The following AKT3 variants were observed in gnomAD, a reference collection of about 807,000 sequenced individuals.
The protein encoded by AKT3 is AKT serine/threonine kinase 3.
Under a neutral mutation model 65.3 loss-of-function variants are expected in AKT3, and 15 were observed. The ratio of observed to expected loss-of-function variants is 0.23; its 90% CI spans 0.15 to 0.35. AKT3 has a LOEUF of 0.35. Among genes scored for constraint, AKT3 ranks in the 10% least tolerant of loss-of-function variants. The probability of loss-of-function intolerance (pLI) is 1.00; values close to 1 mark genes in which losing one functional copy is unlikely to be tolerated. For synonymous variants in AKT3, 206 were observed against 183.8 expected (o/e 1.12, Z -0.98); for missense variants, 243 against 576.5 (o/e 0.42, Z 5.92).
At chr1:243,710,070 C>G (rs1157326122) in intron 2 of AKT3, among the ~76,000 whole-genome samples, 1 of 152,110 alleles carries the variant, frequency 6.6e-6, no homozygotes, top group African/African-American at 2.4e-5. Flanking sequence ...GTGAAATACT[C>G]TGTTTTCAAC....
chr1:243,613,130 CATATAT>C (rs1333741622), intron 8 of AKT3: 2 of 140,994 alleles, frequency 1.4e-5, no homozygotes, highest in African/African-American at 2.6e-5. Flanking sequence ...TATACATATA[CATATAT>C]ACATACATAT....
downstream of AKT3, among the ~76,000 whole-genome samples, chr1:243,497,869 A>G (rs1488857792): frequency 6.6e-6 from 1 of 152,014 alleles, no homozygotes; most frequent in East Asian, 1.9e-4. Flanking sequence ...TTTTGTAGAG[A>G]TGAGGTCTCA....
rs2147846090 is a variant in AKT3 at position 243,645,918 on chromosome 1, G to A, written c.404C>T (p.Ala135Val). 6.2e-7 allele frequency: 1 copy of A among 1,611,428 alleles called. No individual in the cohort carries two copies. Residue 135 changes from alanine to valine, a missense_variant, in exon 5 of 14, where the codon GCC becomes GTC. Physicochemically the swap from Ala to Val is moderately conservative, Grantham distance 64. This residue lies in a region of AKT3 where 72 missense variants were observed against 86.0 expected (regional missense o/e 0.84). Transcript: ENST00000673466. ...IDNIGEEEMD[A>V]STTHHKRKTM... ...CTTTCTTTTATGATGGGTTGTAGAGGCATCCATCTCTTCCTCTCCTATATT... is the reference window on the plus strand; with the variant it reads ...CTTTCTTTTATGATGGGTTGTAGAGACATCCATCTCTTCCTCTCCTATATT...
chr1:243,666,974 C>T (rs1199854863), intron 3 of AKT3, among the ~76,000 whole-genome samples: 1 of 152,116 alleles, frequency 6.6e-6, no homozygotes. Flanking sequence ...ATGTTGTGAT[C>T]ACGTGGCTGA....
intron 2 of AKT3, among the ~76,000 whole-genome samples, chr1:243,698,692 C>A (rs925180206): frequency 6.6e-6 from 1 of 152,146 alleles, no homozygotes; most frequent in East Asian, 1.9e-4. Flanking sequence ...AATTTCCCTT[C>A]TTCCTTAAAA....
chr1:243,519,592 T>C (rs748443359), intron 12 of AKT3, among the ~76,000 whole-genome samples: 15 of 152,122 alleles, frequency 9.9e-5, no homozygotes, highest in African/African-American at 2.7e-4. Flanking sequence ...TTGGAGAAAG[T>C]TGGCCAAAGC....
Position 243,500,743 on chromosome 1 carries a change from T to C in AKT3, c.*4506A>G. ...ATGTCACCATATGCTCAGCCTTGCCTCTCAGAAGTGATGTGGATTAGGCTT... is the reference window on the plus strand; with the variant it reads ...ATGTCACCATATGCTCAGCCTTGCCCCTCAGAAGTGATGTGGATTAGGCTT... On this transcript the variant is annotated 3_prime_UTR_variant, in exon 14 of 14. Coordinates refer to ENST00000673466, the MANE Select transcript of AKT3 (RefSeq NM_005465.7). 1 of 227,798 alleles carries C rather than the reference T, an allele frequency of 4.4e-6. No individual in the cohort carries two copies. Among genetic ancestry groups the C allele is most frequent in the Non-Finnish European group, 8.7e-6 (1 of 114,740 alleles). The allele number at this position is 227,798 out of a possible 1,614,324, so 14.1% of individuals were successfully genotyped here. A position where few individuals can be genotyped will look rare whatever the true frequency, so the allele number is the denominator to read the frequency against.
chr1:243,776,423 G>A (rs971337035), intron 2 of AKT3, among the ~76,000 whole-genome samples: 49 of 152,040 alleles, frequency 3.2e-4, no homozygotes, highest in Non-Finnish European at 6.5e-4. Context: ...CAGGAGGGTG[G>A]GGCCCTCACC....
intron 3 of AKT3, among the ~76,000 whole-genome samples, chr1:243,680,187 G>A (rs1285964864): frequency 6.6e-6 from 1 of 152,090 alleles, no homozygotes; most frequent in African/African-American, 2.4e-5. Context: ...TGAGTGCATG[G>A]GTTGGGGGGT....
At chr1:243,507,204 C>G (rs964813306) in intron 13 of AKT3, among the ~76,000 whole-genome samples, 1 of 152,188 alleles carries the variant, frequency 6.6e-6, no homozygotes, top group Non-Finnish European at 1.5e-5. Context: ...AGGACTCATT[C>G]CAGCCCGGCG....
At chr1:243,646,445 C>G (rs944423198) in intron 4 of AKT3, among the ~76,000 whole-genome samples, 2 of 151,934 alleles carry the variant, frequency 1.3e-5, no homozygotes, top group Non-Finnish European at 1.5e-5. Context: ...ACCTCCACCT[C>G]GTGGGTTCAA....
chr1:243,797,218 A>G (rs1220138509), intron 2 of AKT3, among the ~76,000 whole-genome samples: 1 of 151,656 alleles, frequency 6.6e-6, no homozygotes, highest in Non-Finnish European at 1.5e-5. Context: ...TTCAAAAGAC[A>G]CCTCCCAAGA....
chr1:243,601,802 A>G (rs1375340176), intron 8 of AKT3, among the ~76,000 whole-genome samples: 1 of 152,162 alleles, frequency 6.6e-6, no homozygotes, highest in Non-Finnish European at 1.5e-5. Context: ...AAAAATGGAG[A>G]ACACAAAAGC....
chr1:243,824,595 C>T (rs1694052225), intron 2 of AKT3, among the ~76,000 whole-genome samples: 1 of 151,552 alleles, frequency 6.6e-6, no homozygotes, highest in African/African-American at 2.4e-5. Flanking sequence ...GGGCAAAGAA[C>T]ATAAACAGAC....
chr1:243,613,626 A>C, intron 8 of AKT3, 45 bp downstream of exon 8: 1 of 1,382,802 alleles, frequency 7.2e-7, no homozygotes, highest in Admixed American at 2.2e-5. Flanking sequence ...TTTTAAAATA[A>C]TGAAAATACT....
intron 10 of AKT3, among the ~76,000 whole-genome samples, chr1:243,554,548 G>A (rs560092360): frequency 2.0e-5 from 3 of 152,204 alleles, no homozygotes; most frequent in South Asian, 2.1e-4. Context: ...TCATATTTAC[G>A]TTAAAGGAAA....
intron 2 of AKT3, chr1:243,739,580 G>GT (rs1688033525): frequency 6.6e-6 from 1 of 152,164 alleles, no homozygotes; most frequent in African/African-American, 2.4e-5. Context: ...CAGTACAAAT[G>GT]TAGGTCTTCA....
chr1:243,809,612 T>C (rs956517326), intron 2 of AKT3, among the ~76,000 whole-genome samples: 2 of 152,076 alleles, frequency 1.3e-5, no homozygotes, highest in African/African-American at 2.4e-5. Context: ...CTGTCAACAT[T>C]AGACAGATCA....
chr1:243,720,690 GTA>G (rs1289150178), intron 2 of AKT3, among the ~76,000 whole-genome samples: 1 of 152,024 alleles, frequency 6.6e-6, no homozygotes, highest in Non-Finnish European at 1.5e-5. Flanking sequence ...TCAAATATTA[GTA>G]TCTTAAAATT....
Sources: gnomAD v4.1 joint callset for allele counts (sites outside exome capture counted in the v4.1 genomes callset) on GRCh38, gnomAD v4.1.1 for gene constraint, gnomAD v4.1.1 regional missense constraint, MANE v1.5 for transcripts, NCBI Gene and HGNC (gene_info 2026-07-23, HGNC 2026-07-21) for gene names.